The following ZFAT variants were observed in gnomAD, a reference collection of about 807,000 sequenced individuals.
ZFAT encodes the protein zinc finger and AT-hook domain containing, also known as zinc finger protein ZFAT.
ZFAT carries 64 observed loss-of-function variants against 117.7 expected under a neutral mutation model. The ratio of observed to expected loss-of-function variants is 0.54; its 90% CI spans 0.44 to 0.67. The LOEUF is 0.67. Ranked by LOEUF, ZFAT falls within the 30% of genes least tolerant of loss-of-function variation. The pLI is 0.00. For missense variants in ZFAT, 1,433 were observed against 1,584.5 expected (o/e 0.90, Z 1.62); for synonymous variants, 679 against 615.0 (o/e 1.10, Z -1.54).
intron 11 of ZFAT, among the ~76,000 whole-genome samples, chr8:134,552,528 G>A (rs978843401): frequency 6.6e-6 from 1 of 152,170 alleles, no homozygotes; most frequent in East Asian, 1.9e-4. Flanking sequence ...CAGCTTCATG[G>A]TGCACATTTT....
At chr8:134,769,652 G>A in the ZFAT span, among the ~76,000 whole-genome samples, 3 of 152,118 alleles carry the variant, frequency 2.0e-5, no homozygotes, top group Non-Finnish European at 4.4e-5. Context: ...TCACTAAGTG[G>A]TGCCCCAGTA....
chr8:134,817,394 T>TATACAC, the ZFAT span, among the ~76,000 whole-genome samples: 3 of 125,980 alleles, frequency 2.4e-5, no homozygotes, highest in African/African-American at 9.1e-5. Context: ...TCTCTCTCTC[T>TATACAC]ACACACACAC....
rs774746652 is a variant in ZFAT, at chr8:134,512,488, G to A, written c.3348C>T (p.Tyr1116=). 6.2e-6 allele frequency: 10 copies of A among 1,613,978 alleles called. No individual in the cohort carries two copies. Among genetic ancestry groups the A allele is most frequent in the Admixed American group, 5.0e-5 (3 of 60,020 alleles). Residue 1116 remains tyrosine (Y), a synonymous_variant, in exon 14 of 16, where the codon TAC becomes TAT. Transcript: ENST00000377838. The stretch of plus-strand genomic sequence containing the variant: ...AGGCGTCCTCACCACTCTCAGAGGT[G>A]TATCTCAGGTCCTGGAGCGCGGCCA... ...AAVAALQDLR[Y]TSESGDRLDP... is the part of the protein sequence containing the mutation.
chr8:134,564,005 G>A (rs908136058), intron 11 of ZFAT, among the ~76,000 whole-genome samples: 19 of 152,142 alleles, frequency 1.2e-4, no homozygotes, highest in Non-Finnish European at 1.8e-4. Flanking sequence ...TTAGCTGAGC[G>A]TGGCAGCGGG....
Position 134,512,573 on chromosome 8 carries a change from G to C in ZFAT, c.3263C>G (p.Ser1088Cys). Residue 1088 changes from serine (S) to cysteine (C), a missense_variant, in exon 14 of 16, where the codon TCC (serine) becomes TGC (cysteine). Ser to Cys is a moderately radical substitution (Grantham distance 112). Transcript: ENST00000377838. ...CTCTGTGATGTGGAGATACTGGGTG[G>C]AGGGCTCCTCAGGAGCTTCTGTTGC... ...ETATEAPEEP[S>C]TQYLHITEAE... 1 of 1,613,870 alleles carries C rather than the reference G, an allele frequency of 6.2e-7. No homozygotes were observed. The highest frequency in any genetic ancestry group is 8.5e-7 in the Non-Finnish European group (1 of 1,179,860).
chr8:134,748,524 C>A, the ZFAT span, among the ~76,000 whole-genome samples: 2 of 152,166 alleles, frequency 1.3e-5, no homozygotes, highest in Non-Finnish European at 2.9e-5. Context: ...TTCTGGTTTT[C>A]GGTAATTACA....
intron 15 of ZFAT, among the ~76,000 whole-genome samples, chr8:134,501,208 A>G (rs1818946545): frequency 6.6e-6 from 1 of 152,240 alleles, no homozygotes; most frequent in South Asian, 2.1e-4. Flanking sequence ...GTATTAGATC[A>G]TCTGAGGCCT....
intron 13 of ZFAT, among the ~76,000 whole-genome samples, chr8:134,518,241 T>G (rs113261060): frequency 6.6e-6 from 1 of 152,330 alleles, no homozygotes; most frequent in African/African-American, 2.4e-5. Flanking sequence ...AATCATTTAT[T>G]TATGTCAGTA....
At chr8:134,832,289 C>G in the ZFAT span, among the ~76,000 whole-genome samples, 146 of 152,022 alleles carry the variant, frequency 9.6e-4, 2 homozygotes, top group Non-Finnish European at 1.5e-3. Context: ...ACCTTTCCCT[C>G]CAGTGTGTCT....
intron 15 of ZFAT, among the ~76,000 whole-genome samples, chr8:134,483,049 G>A (rs919399649): frequency 1.3e-5 from 2 of 152,222 alleles, no homozygotes; most frequent in Non-Finnish European, 2.9e-5. Context: ...TACAGAAGGG[G>A]TTCATAGGGC....
intron 1 of ZFAT, among the ~76,000 whole-genome samples, chr8:134,691,684 C>T (rs1287892387): frequency 6.6e-6 from 1 of 152,182 alleles, no homozygotes; most frequent in African/African-American, 2.4e-5. Context: ...GGTACTCCCT[C>T]CTGCTTATTT....
At chr8:134,543,045 A>T (rs1332998222) in intron 11 of ZFAT, among the ~76,000 whole-genome samples, 1 of 150,886 alleles carries the variant, frequency 6.6e-6, no homozygotes, top group East Asian at 2.0e-4. Flanking sequence ...ACAGAAGAAG[A>T]GATGGGATCA....
the ZFAT span, among the ~76,000 whole-genome samples, chr8:134,825,713 C>T: frequency 6.6e-6 from 1 of 152,184 alleles, no homozygotes; most frequent in Non-Finnish European, 1.5e-5. Flanking sequence ...TATTTACTTA[C>T]AGGCATACTT....
At chr8:134,660,522 A>G (rs1247274749) in intron 1 of ZFAT, among the ~76,000 whole-genome samples, 3 of 152,270 alleles carry the variant, frequency 2.0e-5, no homozygotes, top group Non-Finnish European at 4.4e-5. Context: ...CCCTGCCACA[A>G]GAGGAGGCCA....
chr8:134,564,019 C>T (rs1239131024), intron 11 of ZFAT, among the ~76,000 whole-genome samples: 1 of 152,014 alleles, frequency 6.6e-6, no homozygotes, highest in Non-Finnish European at 1.5e-5. Flanking sequence ...CAGCGGGCTA[C>T]CTGAGACACC....
chr8:134,483,487 A>T (rs1342613353), intron 15 of ZFAT, among the ~76,000 whole-genome samples: 1 of 151,940 alleles, frequency 6.6e-6, no homozygotes, highest in Non-Finnish European at 1.5e-5. Flanking sequence ...TGGCTGTAGA[A>T]CTCTCAACCA....
intron 1 of ZFAT, among the ~76,000 whole-genome samples, chr8:134,660,482 G>T (rs1690336091): frequency 6.6e-6 from 1 of 152,252 alleles, no homozygotes; most frequent in African/African-American, 2.4e-5. Flanking sequence ...AGACACTGGA[G>T]ACAGAGATGA....
the ZFAT span, chr8:134,798,007 A>C: frequency 7.9e-5 from 12 of 151,868 alleles, no homozygotes; most frequent in African/African-American, 2.9e-4. Flanking sequence ...AACACATTAA[A>C]AAAAGTGGAA....
the ZFAT span, among the ~76,000 whole-genome samples, chr8:134,729,614 T>C: frequency 2.0e-5 from 3 of 152,130 alleles, no homozygotes; most frequent in Admixed American, 2.0e-4. Flanking sequence ...ACCACCAGAG[T>C]TGGCCAAGCT....
Sources: allele counts gnomAD v4.1 joint callset (sites outside exome capture counted in the v4.1 genomes callset), GRCh38; gene constraint gnomAD v4.1.1; transcripts MANE v1.5; gene names NCBI Gene and HGNC (gene_info 2026-07-23, HGNC 2026-07-21).